CTNNA3: variants seen among roughly 807,000 people sequenced by gnomAD.
CTNNA3 encodes the protein catenin alpha-3.
Under a neutral mutation model 95.7 loss-of-function variants are expected in CTNNA3, and 76 were observed. That is an observed-to-expected ratio of 0.79 (90% CI 0.66 to 0.96). CTNNA3 has a LOEUF of 0.96. Among genes scored for constraint, CTNNA3 ranks in the 40% least tolerant of loss-of-function variants. CTNNA3 has a pLI of 0.00. For missense variants in CTNNA3, 1,191 were observed against 1,089.8 expected, an observed-to-expected ratio of 1.09 and a Z score of -1.31; for synonymous variants, 431 against 374.4, an observed-to-expected ratio of 1.15 and a Z score of -1.74.
At chr10:66,668,582 G>A (rs915971257) in intron 9 of CTNNA3, among the ~76,000 whole-genome samples, 3 of 152,006 alleles carry the variant, frequency 2.0e-5, no homozygotes, top group African/African-American at 4.8e-5. Flanking sequence ...GGAGGCCGAG[G>A]TGGGCGGATC....
chr10:66,078,553 T>C (rs1261064166), intron 14 of CTNNA3, among the ~76,000 whole-genome samples: 2 of 151,886 alleles, frequency 1.3e-5, no homozygotes, highest in African/African-American at 2.4e-5. Flanking sequence ...GTAATAGAAA[T>C]TTTGTAACAT....
chr10:67,688,262 A>C (rs1840772626), intron 1 of CTNNA3, among the ~76,000 whole-genome samples: 1 of 152,068 alleles, frequency 6.6e-6, no homozygotes, highest in East Asian at 1.9e-4. Flanking sequence ...CTTGAAGGGG[A>C]CATAAATGAT....
At chr10:66,327,732 A>G (rs1171511818) in intron 12 of CTNNA3, among the ~76,000 whole-genome samples, 5 of 152,050 alleles carry the variant, frequency 3.3e-5, no homozygotes, top group African/African-American at 4.8e-5. Context: ...ATATTTAGAA[A>G]GAGAGTGTGA....
intron 14 of CTNNA3, among the ~76,000 whole-genome samples, chr10:66,088,110 G>T (rs2081058002): frequency 6.6e-6 from 1 of 150,812 alleles, no homozygotes; most frequent in Admixed American, 6.7e-5. Context: ...GAAACATTTT[G>T]GTCTATAAAA....
chr10:66,375,588 C>CAAAA (rs147027212), intron 12 of CTNNA3, among the ~76,000 whole-genome samples: 96 of 143,206 alleles, frequency 6.7e-4, no homozygotes, highest in African/African-American at 2.2e-3. Flanking sequence ...AGCTGCAATG[C>CAAAA]CAAAAAAAAA....
At chr10:67,132,625 AG>A (rs1356164670) in intron 7 of CTNNA3, among the ~76,000 whole-genome samples, 1 of 152,060 alleles carries the variant, frequency 6.6e-6, no homozygotes, top group Admixed American at 6.6e-5. Context: ...ATGGAAAAGA[AG>A]GTTATCAAGG....
chr10:66,096,669 A>G (rs6480137), intron 14 of CTNNA3, among the ~76,000 whole-genome samples: 92,321 of 151,274 alleles, frequency 0.61, 28,208 homozygotes, highest in East Asian at 0.71. Context: ...GATTACAGGC[A>G]TGCATTGCCA....
chr10:66,647,772 G>A (rs1198801153), intron 9 of CTNNA3, among the ~76,000 whole-genome samples: 1 of 151,784 alleles, frequency 6.6e-6, no homozygotes, highest in African/African-American at 2.4e-5. Flanking sequence ...ACCCGCCTTG[G>A]TCTCCCCAAG....
intron 11 of CTNNA3, among the ~76,000 whole-genome samples, chr10:66,515,458 C>T (rs370769702): frequency 5.9e-5 from 9 of 151,844 alleles, no homozygotes; most frequent in East Asian, 1.9e-4. Flanking sequence ...AACACAGATA[C>T]GCTAAGAACT....
At chr10:66,199,805 A>ATATATATATATATTT (rs1564756586) in intron 13 of CTNNA3, among the ~76,000 whole-genome samples, 1 of 14,290 alleles carries the variant, frequency 7.0e-5, no homozygotes, top group Non-Finnish European at 1.1e-4. Context: ...ATATATATAT[A>ATATATATATATATTT]TTTTTTTTTT....
At chr10:66,005,744 T>G (rs2078865980) in intron 15 of CTNNA3, among the ~76,000 whole-genome samples, 1 of 152,114 alleles carries the variant, frequency 6.6e-6, no homozygotes, top group African/African-American at 2.4e-5. Flanking sequence ...TCTTCTAGGG[T>G]AGATGAGAAC....
intron 7 of CTNNA3, among the ~76,000 whole-genome samples, chr10:66,899,555 C>T (rs1228449482): frequency 6.6e-6 from 1 of 152,106 alleles, no homozygotes; most frequent in Non-Finnish European, 1.5e-5. Flanking sequence ...GGCATTGCCT[C>T]ACCCAGGAAG....
intron 16 of CTNNA3, among the ~76,000 whole-genome samples, chr10:65,975,024 T>A (rs1198603676): frequency 1.3e-5 from 2 of 152,058 alleles, no homozygotes; most frequent in Non-Finnish European, 2.9e-5. Context: ...TAAGCTGGAG[T>A]GTTTTTGGAA....
At chr10:66,935,523 T>C (rs577075534) in intron 7 of CTNNA3, among the ~76,000 whole-genome samples, 1 of 152,188 alleles carries the variant, frequency 6.6e-6, no homozygotes, top group Non-Finnish European at 1.5e-5. Context: ...GTAACATCAC[T>C]GAATTATGAT....
intron 7 of CTNNA3, among the ~76,000 whole-genome samples, chr10:67,041,205 C>T (rs1472787371): frequency 2.6e-5 from 4 of 152,018 alleles, no homozygotes; most frequent in African/African-American, 7.2e-5. Flanking sequence ...GAAAATCAAA[C>T]TTGTCAGAAT....
chr10:66,391,664 C>A (rs964197878), intron 11 of CTNNA3, among the ~76,000 whole-genome samples: 1 of 152,046 alleles, frequency 6.6e-6, no homozygotes, highest in Non-Finnish European at 1.5e-5. Context: ...ATCCTAAAGG[C>A]TATAGCTTCA....
chr10:66,722,899 T>C (rs1033702565), intron 9 of CTNNA3, among the ~76,000 whole-genome samples: 2 of 152,228 alleles, frequency 1.3e-5, no homozygotes, highest in Non-Finnish European at 2.9e-5. Flanking sequence ...GGATTGGGAC[T>C]CAAGAGATTC....
chr10:66,882,676 C>T (rs1489972806), intron 7 of CTNNA3, among the ~76,000 whole-genome samples: 1 of 151,988 alleles, frequency 6.6e-6, no homozygotes. Flanking sequence ...GAATATATAA[C>T]AGCACAAAGG....
intron 15 of CTNNA3, among the ~76,000 whole-genome samples, chr10:66,035,535 G>GTTT (rs776758686): frequency 2.0e-4 from 21 of 105,510 alleles, no homozygotes; most frequent in Non-Finnish European, 3.5e-4. Flanking sequence ...GGGAATGAGG[G>GTTT]TATTTTTTTT....
Sources: gnomAD v4.1 joint callset for allele counts (sites outside exome capture counted in the v4.1 genomes callset) on GRCh38, gnomAD v4.1.1 for gene constraint, MANE v1.5 for transcripts, NCBI Gene and HGNC (gene_info 2026-07-23, HGNC 2026-07-21) for gene names.